Variants in SLC16A9 observed in about 807,000 individuals in gnomAD.
SLC16A9 encodes the protein solute carrier family 16 member 9.
A neutral mutation model predicts 44.3 loss-of-function variants in SLC16A9; 26 were observed. That is an observed-to-expected ratio of 0.59 (90% CI 0.43 to 0.81). SLC16A9 has a LOEUF of 0.81. SLC16A9 is among the 40% of genes least tolerant of loss of function. The pLI is 0.00. For missense variants in SLC16A9, 559 were observed against 595.8 expected, an observed-to-expected ratio of 0.94 and a Z score of 0.64; for synonymous variants, 230 against 225.1, an observed-to-expected ratio of 1.02 and a Z score of -0.19.
Position 59,665,403 on chromosome 10 carries a change from A to G in SLC16A9, c.341-1081T>C, listed in dbSNP as rs187365884. 6.3e-3 allele frequency among the ~76,000 whole-genome samples: 967 copies of G among 152,324 alleles called. 8 individuals are homozygous for G. The highest frequency in any genetic ancestry group is 0.011 in the Non-Finnish European group (751 of 68,028). ...AAGAATACATGAGTTTAACAAATAC[A>G]CTGCATAAACATTTTAGGAAATCAG... On this transcript the variant is annotated intron_variant, in intron 3 of 5. Transcript: ENST00000395348.
chr10:59,665,408 A>G (rs944483748), intron 3 of SLC16A9, among the ~76,000 whole-genome samples: 1 of 152,238 alleles, frequency 6.6e-6, no homozygotes, highest in African/African-American at 2.4e-5. Context: ...AATACACTGC[A>G]TAAACATTTT....
At chr10:59,692,765 C>T (rs1840279400) in intron 1 of SLC16A9, among the ~76,000 whole-genome samples, 1 of 152,078 alleles carries the variant, frequency 6.6e-6, no homozygotes, top group Non-Finnish European at 1.5e-5. Context: ...TTCTATACCA[C>T]CTCAGTTTGG....
intron 1 of SLC16A9, among the ~76,000 whole-genome samples, chr10:59,703,719 T>C (rs1371848846): frequency 2.0e-5 from 3 of 152,026 alleles, no homozygotes; most frequent in South Asian, 2.1e-4. Context: ...GCTGATTTTT[T>C]TTTTTCGTTT....
At chr10:59,693,496 T>C (rs1840297419) in intron 1 of SLC16A9, among the ~76,000 whole-genome samples, 1 of 152,230 alleles carries the variant, frequency 6.6e-6, no homozygotes, top group Non-Finnish European at 1.5e-5. Flanking sequence ...AAAATCATAT[T>C]GAGTCATCTT....
Position 59,653,941 on chromosome 10 carries a change from A to T in SLC16A9, c.1085T>A (p.Ile362Lys). The part of the protein sequence containing the change: ...MTAVGKLLLG[I>K]LADFKWINTL... The stretch of plus-strand genomic sequence containing the variant: ...ATTAATCCACTTGAAGTCAGCCAGT[A>T]TCCCTAAAAGCAGTTTACCAACTGC... Residue 362 changes from isoleucine (I) to lysine (K), a missense_variant, in exon 5 of 6, where the codon ATA becomes AAA. Ile to Lys is a moderately radical substitution (Grantham distance 102). Transcript: ENST00000395348. The T allele has an allele frequency of 6.2e-7, 1 of 1,614,088 alleles. No individual in the cohort carries two copies. Among genetic ancestry groups the T allele is most frequent in the South Asian group, 1.1e-5 (1 of 91,088 alleles).
chr10:59,658,562 A>G (rs1315659811), intron 4 of SLC16A9, among the ~76,000 whole-genome samples: 2 of 152,174 alleles, frequency 1.3e-5, no homozygotes, highest in Non-Finnish European at 2.9e-5. Flanking sequence ...TCGATGTCAT[A>G]CTGCCTCTAC....
chr10:59,653,518 TA>T (rs1182949513), intron 5 of SLC16A9, among the ~76,000 whole-genome samples, 156 bp downstream of exon 5: 4 of 151,558 alleles, frequency 2.6e-5, no homozygotes, highest in Non-Finnish European at 5.9e-5. Context: ...CTTTCTCAAT[TA>T]TATCAAAGCA....
intron 2 of SLC16A9, among the ~76,000 whole-genome samples, chr10:59,682,951 C>T (rs1369027798): frequency 1.3e-5 from 2 of 152,024 alleles, no homozygotes; most frequent in African/African-American, 4.8e-5. Flanking sequence ...GTTTTTTAAG[C>T]CTTTTTTTCT....
At chr10:59,658,682 A>G (rs1839403526) in intron 4 of SLC16A9, among the ~76,000 whole-genome samples, 2 of 152,278 alleles carry the variant, frequency 1.3e-5, no homozygotes, top group East Asian at 1.9e-4. Context: ...ACTGCATTCC[A>G]ACTACTCTGG....
chr10:59,663,372 AAAAG>A (rs1332913705), intron 4 of SLC16A9, among the ~76,000 whole-genome samples: 1 of 152,098 alleles, frequency 6.6e-6, no homozygotes, highest in South Asian at 2.1e-4. Flanking sequence ...AAAAAAAGAA[AAAAG>A]AAAGAAAGAA....
intron 3 of SLC16A9, among the ~76,000 whole-genome samples, chr10:59,665,965 A>T (rs1479079736): frequency 1.3e-5 from 2 of 152,206 alleles, no homozygotes; most frequent in Non-Finnish European, 2.9e-5. Flanking sequence ...TTAATGTAGC[A>T]GAAATCTGAA....
At chr10:59,655,299 A>G (rs1483353581) in intron 4 of SLC16A9, among the ~76,000 whole-genome samples, 1 of 152,174 alleles carries the variant, frequency 6.6e-6, no homozygotes, top group African/African-American at 2.4e-5. Flanking sequence ...AAACAAGCAA[A>G]CAAACAAACA....
rs1386108829 is a variant in SLC16A9 at position 59,653,255 on chromosome 10, T to TAAAAAAA, written c.1352-306_1352-305insTTTTTTT. The stretch of plus-strand genomic sequence containing the variant: ...TAACACGGTGAAACCCCGTCTCTAC[T>TAAAAAAA]AAACAACAACAACAAAAAACATTAG... On this transcript the variant is annotated intron_variant, in intron 5 of 5. Transcript: ENST00000395348. Among the ~76,000 whole-genome samples, 18 of 147,686 alleles carry TAAAAAAA rather than the reference T, an allele frequency of 1.2e-4. 1 individual carries two copies. The highest frequency in any genetic ancestry group is 4.4e-4 in the African/African-American group (17 of 38,566).
chr10:59,692,688 G>A (rs1840277603), intron 1 of SLC16A9, among the ~76,000 whole-genome samples: 1 of 152,038 alleles, frequency 6.6e-6, no homozygotes, highest in Admixed American at 6.6e-5. Flanking sequence ...GCCAGAAGCA[G>A]TTGTAATACT....
At chr10:59,695,421 T>C (rs1474353304) in intron 1 of SLC16A9, among the ~76,000 whole-genome samples, 1 of 152,234 alleles carries the variant, frequency 6.6e-6, no homozygotes, top group Non-Finnish European at 1.5e-5. Flanking sequence ...TTACTGGATG[T>C]AGGTTATAAC....
intron 2 of SLC16A9, among the ~76,000 whole-genome samples, chr10:59,680,435 A>G (rs1379450388): frequency 1.3e-5 from 2 of 152,150 alleles, no homozygotes; most frequent in Admixed American, 1.3e-4. Flanking sequence ...CCATCCTTCC[A>G]AGAACTGTCT....
chr10:59,653,255 T>TAAAAAAAA (rs1386108829), intron 5 of SLC16A9, among the ~76,000 whole-genome samples: 4 of 147,598 alleles, frequency 2.7e-5, no homozygotes, highest in African/African-American at 7.8e-5. Flanking sequence ...CCGTCTCTAC[T>TAAAAAAAA]AAACAACAAC....
chr10:59,669,751 C>T (rs1343618844), intron 3 of SLC16A9, among the ~76,000 whole-genome samples: 1 of 151,782 alleles, frequency 6.6e-6, no homozygotes, highest in Non-Finnish European at 1.5e-5. Flanking sequence ...GCAGGAGAAT[C>T]GCTTGAACCC....
intron 1 of SLC16A9, among the ~76,000 whole-genome samples, chr10:59,692,304 T>TA (rs1341855827): frequency 3.1e-4 from 47 of 152,266 alleles, no homozygotes; most frequent in Admixed American, 1.0e-3. Context: ...TATGACACTT[T>TA]AAGGCTATAA....
Sources: allele counts gnomAD v4.1 joint callset (sites outside exome capture counted in the v4.1 genomes callset), GRCh38; gene constraint gnomAD v4.1.1; transcripts MANE v1.5; gene names NCBI Gene and HGNC (gene_info 2026-07-23, HGNC 2026-07-21).